The following BANP variants were observed in gnomAD, a reference collection of about 807,000 sequenced individuals.
The protein encoded by BANP is BTG3 associated nuclear protein, also known as protein BANP.
A neutral mutation model predicts 68.1 loss-of-function variants in BANP; 11 were observed. That is an observed-to-expected ratio of 0.16 (90% CI 0.10 to 0.27). BANP has a LOEUF of 0.27. Among genes scored for constraint, BANP ranks in the 10% least tolerant of loss-of-function variants. The pLI is 1.00. For missense variants in BANP, 504 were observed against 722.7 expected, an observed-to-expected ratio of 0.70 and a Z score of 3.47; for synonymous variants, 329 against 303.2, an observed-to-expected ratio of 1.09 and a Z score of -0.88.
At chr16:87,989,885 G>A (rs1219889034) in intron 4 of BANP, among the ~76,000 whole-genome samples, 1 of 118,530 alleles carries the variant, frequency 8.4e-6, no homozygotes, top group African/African-American at 3.3e-5. Context: ...ACACAGGGTG[G>A]GTGACGGGGG....
At chr16:87,968,639 A>G (rs908036059) in intron 1 of BANP, among the ~76,000 whole-genome samples, 9 of 152,168 alleles carry the variant, frequency 5.9e-5, no homozygotes, top group Non-Finnish European at 1.5e-5. Flanking sequence ...CAGAGGACGC[A>G]GGTTTAGTGT....
chr16:88,038,385 G>T (rs911480234), intron 11 of BANP, among the ~76,000 whole-genome samples: 15 of 152,186 alleles, frequency 9.9e-5, no homozygotes, highest in Admixed American at 2.0e-4. Context: ...GCCTGGAAGG[G>T]GGGAGGGCAG....
chr16:88,038,117 C>G, intron 11 of BANP, 106 bp downstream of exon 11: 1 of 980,578 alleles, frequency 1.0e-6, no homozygotes, highest in Non-Finnish European at 1.5e-6. Context: ...TCCCCATGTA[C>G]ATGTGGGCAT....
chr16:87,977,970 G>T (rs774606566), intron 2 of BANP, among the ~76,000 whole-genome samples: 3 of 152,128 alleles, frequency 2.0e-5, no homozygotes, highest in Non-Finnish European at 4.4e-5. Context: ...CAAGTAGCTG[G>T]GATTACAGGT....
In BANP at chr16:88,003,685, C is replaced by A. The variant is rs2070106916; in HGVS notation, c.363-610C>A. On this transcript the variant is annotated intron_variant, in intron 4 of 13. Transcript: ENST00000682872. The surrounding 1 kb of genome is among the most constrained non-coding windows in gnomAD (Gnocchi z 6.1). ...GCCATGGTCTGTTCTTTTGTAGAAT[C>A]TTTTCCTTCAAAGCAGAACCCTGAG... 2.8e-6 allele frequency: 1 copy of A among 359,778 alleles called. No individual in the cohort carries two copies. The highest frequency in any genetic ancestry group is 3.7e-5 in the Admixed American group (1 of 27,036). The allele number at this position is 359,778 out of a possible 1,614,324, so 22.3% of individuals were successfully genotyped here.
At chr16:87,976,502 G>C (rs1184957836) in intron 2 of BANP, among the ~76,000 whole-genome samples, 1 of 66,082 alleles carries the variant, frequency 1.5e-5, no homozygotes, top group Non-Finnish European at 2.8e-5. Context: ...CCATAAAGTA[G>C]TATATGTTTT....
At chr16:88,055,300 C>T (rs1367466785) in intron 11 of BANP, among the ~76,000 whole-genome samples, 1 of 152,206 alleles carries the variant, frequency 6.6e-6, no homozygotes, top group South Asian at 2.1e-4. Context: ...CACACACACC[C>T]CTGAATGATT....
intron 12 of BANP, among the ~76,000 whole-genome samples, chr16:88,068,494 G>A (rs1262125579): frequency 6.6e-6 from 1 of 152,212 alleles, no homozygotes; most frequent in African/African-American, 2.4e-5. Flanking sequence ...ACACCTCTGG[G>A]ACAGCCCCTG....
At position 88,072,004 on chromosome 16, in the gene BANP, A is replaced by ATGTGGGT. The variant is rs968815464; in HGVS notation, c.1378-44_1378-38dup. ...GCTGGGGTCTGCGGTCTGTGGAGCC[A>ATGTGGGT]TGTGGGTTGTGGGTTGTGGGTTGTG... On this transcript the variant is annotated intron_variant, in intron 12 of 13. Transcript: ENST00000682872. 1.4e-4 allele frequency: 209 copies of ATGTGGGT among 1,535,472 alleles called. 2 individuals are homozygous for ATGTGGGT. Among genetic ancestry groups the ATGTGGGT allele is most frequent in the South Asian group, 8.9e-4 (74 of 83,606 alleles).
rs113113489 is a variant in BANP at position 88,063,641 on chromosome 16, C to G, written c.1312-1626C>G. On this transcript the variant is annotated intron_variant, in intron 11 of 13. Coordinates refer to ENST00000682872, the MANE Select transcript of BANP (RefSeq NM_001386991.1). ...AGTTTCAGATCCGATCACAGCTGTT[C>G]TTAATGAGACTTGGGAAGCCGTGTT... Among the ~76,000 whole-genome samples the G allele has an allele frequency of 4.4e-3, 666 of 152,280 alleles. 6 individuals are homozygous for G. Among genetic ancestry groups the G allele is most frequent in the African/African-American group, 0.015 (606 of 41,564 alleles).
chr16:88,066,302 C>T (rs2088578590), intron 12 of BANP, among the ~76,000 whole-genome samples: 1 of 152,194 alleles, frequency 6.6e-6, no homozygotes, highest in Non-Finnish European at 1.5e-5. Context: ...AGGGAAAATT[C>T]CTCACCCCTG....
chr16:88,031,242 C>T (rs1446052584), intron 8 of BANP, among the ~76,000 whole-genome samples: 2 of 138,208 alleles, frequency 1.4e-5, no homozygotes, highest in African/African-American at 5.4e-5. Context: ...GCCGAGCTCT[C>T]CACATGCAGC....
chr16:88,004,418 AGCACG>A lies in BANP; in HGVS notation c.479+12_479+16del. 6.9e-7 allele frequency: 1 copy of A among 1,451,156 alleles called. No homozygotes were observed. Among genetic ancestry groups the A allele is most frequent in the South Asian group, 1.3e-5 (1 of 79,710 alleles). 89.9% of individuals were successfully genotyped at this position (1,451,156 alleles called of 1,614,324 possible). On this transcript the variant is annotated splice_region_variant and intron_variant, in intron 5 of 13. Transcript: ENST00000682872. The surrounding 1 kb of genome is among the most constrained non-coding windows in gnomAD (Gnocchi z 7.0). ...TGGAAAATGTCATTAGCAAGTCAGT[AGCACG>A]GCACCAACCCCACCTTTCCCTGCCA...
At chr16:88,011,095 C>T (rs1219132588) in intron 6 of BANP, among the ~76,000 whole-genome samples, 5 of 152,302 alleles carry the variant, frequency 3.3e-5, no homozygotes, top group African/African-American at 9.6e-5. Context: ...TGAGAACAGT[C>T]ATGGCTCTGA....
At chr16:87,986,418 T>C (rs1175892918) in intron 4 of BANP, among the ~76,000 whole-genome samples, 1 of 152,082 alleles carries the variant, frequency 6.6e-6, no homozygotes, top group African/African-American at 2.4e-5. Context: ...TGGAGTGTAG[T>C]TTCTGTAGTG....
chr16:88,056,876 A>T (rs1305672579), intron 11 of BANP, among the ~76,000 whole-genome samples: 1 of 152,244 alleles, frequency 6.6e-6, no homozygotes, highest in East Asian at 1.9e-4. Context: ...GCAGTTAGTT[A>T]TATGATGCAC....
At chr16:88,042,929 G>GTGTA (rs2081174197) in intron 11 of BANP, among the ~76,000 whole-genome samples, 2 of 152,334 alleles carry the variant, frequency 1.3e-5, no homozygotes, top group Non-Finnish European at 2.9e-5. Flanking sequence ...AATAAATGAA[G>GTGTA]TGTACAATTC....
At position 88,036,218 on chromosome 16, in the gene BANP, G is replaced by C. The variant is rs1040345887; in HGVS notation, c.1272+824G>C. Among the ~76,000 whole-genome samples the C allele has an allele frequency of 2.0e-5, 3 of 152,206 alleles. No individual in the cohort carries two copies. Among genetic ancestry groups the C allele is most frequent in the African/African-American group, 7.2e-5 (3 of 41,448 alleles). On this transcript the variant is annotated intron_variant, in intron 10 of 13. Transcript: ENST00000682872. The surrounding 1 kb of genome is among the most constrained non-coding windows in gnomAD (Gnocchi z 4.2). ...GGGATGAGGAACATGGCTGTTTCTA[G>C]GTCGTGACAATGGCACCAGCTTTGT...
intron 2 of BANP, among the ~76,000 whole-genome samples, chr16:87,975,801 C>T (rs1303302538): frequency 6.9e-6 from 1 of 145,050 alleles, no homozygotes; most frequent in East Asian, 2.0e-4. Context: ...GTGTAATCCC[C>T]TGTGTGCGGC....
Sources: gnomAD v4.1 joint callset for allele counts (sites outside exome capture counted in the v4.1 genomes callset) on GRCh38, gnomAD v4.1.1 for gene constraint, Gnocchi (gnomAD v3.1) non-coding constraint, MANE v1.5 for transcripts, NCBI Gene and HGNC (gene_info 2026-07-23, HGNC 2026-07-21) for gene names.